The following BCL11B variants were observed in gnomAD, a reference collection of about 807,000 sequenced individuals.
BCL11B encodes the protein B-cell lymphoma/leukemia 11B.
A neutral mutation model predicts 49.9 loss-of-function variants in BCL11B; 8 were observed. That is an observed-to-expected ratio of 0.16 (90% CI 0.09 to 0.29). The LOEUF (loss-of-function observed/expected upper bound fraction) is 0.29, where lower values mean the gene tolerates loss of function less well. Ranked by LOEUF, BCL11B falls within the 10% of genes least tolerant of loss-of-function variation. The probability of loss-of-function intolerance (pLI) is 1.00; values close to 1 mark genes in which losing one functional copy is unlikely to be tolerated. For missense variants in BCL11B, 1,006 were observed against 1,351.0 expected, an observed-to-expected ratio of 0.74 and a Z score of 4.00; for synonymous variants, 739 against 637.4, an observed-to-expected ratio of 1.16 and a Z score of -2.40.
intron 1 of BCL11B, among the ~76,000 whole-genome samples, chr14:99,260,213 CAG>C (rs1757076679): frequency 6.6e-6 from 1 of 152,102 alleles, no homozygotes; most frequent in Non-Finnish European, 1.5e-5. Flanking sequence ...TCAAAGGAAA[CAG>C]GGGCGAGGTG....
rs1040602620 is a variant in BCL11B, at chr14:99,248,444, G to T, written c.427+9027C>A. 6.6e-6 allele frequency among the ~76,000 whole-genome samples: 1 copy of T among 152,134 alleles called. No homozygotes were observed. Among genetic ancestry groups the T allele is most frequent in the African/African-American group, 2.4e-5 (1 of 41,422 alleles). Reference sequence around the variant, plus strand: ...CGCCCCCAGCAGGCTCTGGGCCAGGGTGGGTCCAGATCTTGCAGGGCCCGA... The same window carrying T: ...CGCCCCCAGCAGGCTCTGGGCCAGGTTGGGTCCAGATCTTGCAGGGCCCGA... On this transcript the variant is annotated intron_variant, in intron 2 of 3. Coordinates refer to ENST00000357195, the MANE Select transcript of BCL11B (RefSeq NM_138576.4). This position sits in a 1 kb window ranked among gnomAD's most constrained non-coding sequence, Gnocchi z 4.7.
intron 3 of BCL11B, among the ~76,000 whole-genome samples, chr14:99,218,232 A>ATTTTTTTTTTTTT (rs34932370): frequency 1.8e-5 from 2 of 112,888 alleles, no homozygotes; most frequent in Admixed American, 9.7e-5. Context: ...TGCCTGGCTA[A>ATTTTTTTTTTTTT]TTTTTTTTTT....
At chr14:99,251,337 A>G (rs985342297) in intron 2 of BCL11B, among the ~76,000 whole-genome samples, 3 of 152,210 alleles carry the variant, frequency 2.0e-5, no homozygotes, top group Admixed American at 6.5e-5. Flanking sequence ...TAAAACCCAC[A>G]GGAACCTGTT....
intron 3 of BCL11B, among the ~76,000 whole-genome samples, chr14:99,217,601 G>C (rs1042047989): frequency 6.6e-6 from 1 of 152,144 alleles, no homozygotes; most frequent in Non-Finnish European, 1.5e-5. Flanking sequence ...CTTATCCAGG[G>C]GGAACCCCCA....
chr14:99,208,850 C>T (rs1041286718), intron 3 of BCL11B, among the ~76,000 whole-genome samples: 2 of 152,226 alleles, frequency 1.3e-5, no homozygotes, highest in Admixed American at 6.5e-5. Context: ...TACCAGGATA[C>T]AGAGGTCATG....
intron 3 of BCL11B, among the ~76,000 whole-genome samples, chr14:99,217,074 A>G (rs1887861730): frequency 6.6e-6 from 1 of 152,204 alleles, no homozygotes; most frequent in African/African-American, 2.4e-5. Flanking sequence ...TCATGTACAC[A>G]CATGCACACC....
At chr14:99,200,926 C>T (rs1009436589) in intron 3 of BCL11B, among the ~76,000 whole-genome samples, 3 of 152,172 alleles carry the variant, frequency 2.0e-5, no homozygotes, top group Non-Finnish European at 4.4e-5. Flanking sequence ...CACAGGCTGG[C>T]CAGGGGAAGT....
At chr14:99,209,258 G>A (rs904705497) in intron 3 of BCL11B, among the ~76,000 whole-genome samples, 4 of 152,098 alleles carry the variant, frequency 2.6e-5, no homozygotes, top group Non-Finnish European at 5.9e-5. Context: ...CCATGGGCTG[G>A]GGAGGGGGTT....
intron 1 of BCL11B, among the ~76,000 whole-genome samples, chr14:99,268,646 C>A (rs1445960287): frequency 1.3e-5 from 2 of 151,978 alleles, no homozygotes; most frequent in Non-Finnish European, 2.9e-5. Context: ...ACCTCCCTCC[C>A]AGGTGACACA....
chr14:99,255,951 C>T (rs1889152098), intron 2 of BCL11B, among the ~76,000 whole-genome samples: 1 of 152,254 alleles, frequency 6.6e-6, no homozygotes, highest in Non-Finnish European at 1.5e-5. Context: ...ATCTGGTTCA[C>T]TGATGTCTCC....
At position 99,263,595 on chromosome 14, in the gene BCL11B, C is replaced by T. The variant is rs182350239; in HGVS notation, c.59-5756G>A. Among the ~76,000 whole-genome samples the T allele has an allele frequency of 7.9e-5, 12 of 152,336 alleles. No individual in the cohort carries two copies. The East Asian group carries it at 2.3e-3, about 29-fold the overall frequency. On this transcript the variant is annotated intron_variant, in intron 1 of 3. Transcript: ENST00000357195. ...TGTTTGGGGAGGGTCTCCCTGTGTA[C>T]AGATTGTTTGCAGGACTCCAGCCTA...
chr14:99,223,475 G>T (rs1006628138), intron 3 of BCL11B, among the ~76,000 whole-genome samples: 3 of 152,170 alleles, frequency 2.0e-5, no homozygotes, highest in Non-Finnish European at 4.4e-5. Flanking sequence ...TTCTCTGGAA[G>T]GAACCCCATG....
chr14:99,265,926 C>A (rs1889467891), intron 1 of BCL11B, among the ~76,000 whole-genome samples: 1 of 152,184 alleles, frequency 6.6e-6, no homozygotes, highest in Admixed American at 6.5e-5. Flanking sequence ...CTGCAGATTT[C>A]TTCAACTTGG....
At chr14:99,233,597 C>T (rs1276034253) in intron 2 of BCL11B, among the ~76,000 whole-genome samples, 20 of 152,198 alleles carry the variant, frequency 1.3e-4, no homozygotes, top group Non-Finnish European at 2.9e-4. Flanking sequence ...AGCTCGAGGC[C>T]TGGTAAGGGT....
Position 99,261,009 on chromosome 14 carries a change from G to A in BCL11B, c.59-3170C>T, listed in dbSNP as rs140934891. 1.4e-3 allele frequency among the ~76,000 whole-genome samples: 213 copies of A among 152,306 alleles called. 2 individuals are homozygous for A. Among genetic ancestry groups the A allele is most frequent in the African/African-American group, 4.8e-3 (198 of 41,570 alleles). On this transcript the variant is annotated intron_variant, in intron 1 of 3. Coordinates refer to ENST00000357195, the MANE Select transcript of BCL11B (RefSeq NM_138576.4). ...ATCTCCTTCCCCTCCCACTTTCAGC[G>A]TTGAAAGTTAAACCCCTGAGATGAC...
chr14:99,246,050 G>T (rs1888824792), intron 2 of BCL11B, among the ~76,000 whole-genome samples: 2 of 152,136 alleles, frequency 1.3e-5, no homozygotes, highest in South Asian at 4.1e-4. Flanking sequence ...AGGCGGCTCC[G>T]ATTCACTGCA....
rs1011387648 is a variant in BCL11B at position 99,257,915 on chromosome 14, G to A, written c.59-76C>T. ...TAGGCGGTCACAGCACCCAACTTCC[G>A]GTCCACCCCTTCCCCGCCAAGAAGC... On this transcript the variant is annotated intron_variant, in intron 1 of 3. Coordinates refer to ENST00000357195, the MANE Select transcript of BCL11B (RefSeq NM_138576.4). The surrounding 1 kb of genome is among the most constrained non-coding windows in gnomAD (Gnocchi z 6.2). 44 of 1,414,260 alleles carry A rather than the reference G, an allele frequency of 3.1e-5. No homozygotes were observed. The highest frequency in any genetic ancestry group is 1.4e-4 in the South Asian group (8 of 57,176). The allele number at this position is 1,414,260 out of a possible 1,614,324, so 87.6% of individuals were successfully genotyped here. A position where few individuals can be genotyped will look rare whatever the true frequency, so the allele number is the denominator to read the frequency against.
rs1888323535 is a variant in BCL11B at position 99,231,267 on chromosome 14, C to T, written c.640+78G>A. The T allele has an allele frequency of 6.8e-7, 1 of 1,478,984 alleles. No homozygotes were observed. The highest frequency in any genetic ancestry group is 2.1e-5 in the Admixed American group (1 of 47,554). The allele number at this position is 1,478,984 out of a possible 1,614,324, so 91.6% of individuals were successfully genotyped here. The stretch of plus-strand genomic sequence containing the variant: ...GGGAGCTGCCCTTCCTCCCTGGGTC[C>T]CCACCTTGCTCCAGCGCTGCCCATG... On this transcript the variant is annotated intron_variant, in intron 3 of 3. Transcript: ENST00000357195. This position sits in a 1 kb window ranked among gnomAD's most constrained non-coding sequence, Gnocchi z 8.1.
Position 99,248,155 on chromosome 14 carries a change from T to TCCTC in BCL11B, c.427+9312_427+9315dup, listed in dbSNP as rs1888901397. Among the ~76,000 whole-genome samples, 4 of 152,014 alleles carry TCCTC rather than the reference T, an allele frequency of 2.6e-5. No individual in the cohort carries two copies. The highest frequency in any genetic ancestry group is 1.3e-4 in the Admixed American group (2 of 15,262). On this transcript the variant is annotated intron_variant, in intron 2 of 3. Transcript: ENST00000357195. The surrounding 1 kb of genome is among the most constrained non-coding windows in gnomAD (Gnocchi z 4.7). ...GACCTGTGGCTGATCAAGGGCTCCCTCCTCCCTCCCTCCCTGCTCTCCTCT... is the reference window on the plus strand; with the variant it reads ...GACCTGTGGCTGATCAAGGGCTCCCTCCTCCCTCCCTCCCTCCCTGCTCTCCTCT...
Sources: gnomAD v4.1 joint callset for allele counts (sites outside exome capture counted in the v4.1 genomes callset) on GRCh38, gnomAD v4.1.1 for gene constraint, Gnocchi (gnomAD v3.1) non-coding constraint, MANE v1.5 for transcripts, NCBI Gene and HGNC (gene_info 2026-07-23, HGNC 2026-07-21) for gene names.